Variants in ARHGEF11 observed in about 807,000 individuals in gnomAD.
ARHGEF11 encodes Rho guanine nucleotide exchange factor 11.
Under a neutral mutation model 193.7 loss-of-function variants are expected in ARHGEF11, and 55 were observed. The observed-to-expected ratio is 0.28, with a 90% confidence interval of 0.23 to 0.36. The LOEUF (loss-of-function observed/expected upper bound fraction) is 0.36, where lower values mean the gene tolerates loss of function less well. Among genes scored for constraint, ARHGEF11 ranks in the 10% least tolerant of loss-of-function variants. The probability of loss-of-function intolerance (pLI) is 1.00; values close to 1 mark genes in which losing one functional copy is unlikely to be tolerated. For missense variants in ARHGEF11, 1,723 were observed against 2,005.6 expected, an observed-to-expected ratio of 0.86 and a Z score of 2.69; for synonymous variants, 693 against 768.0, an observed-to-expected ratio of 0.90 and a Z score of 1.62.
chr1:156,937,094 G>A, intron 39 of ARHGEF11, 89 bp from the exon 40 acceptor site: 1 of 1,567,876 alleles, frequency 6.4e-7, no homozygotes, highest in Admixed American at 1.8e-5. Flanking sequence ...TTGGGGAGGA[G>A]GGTGTGATTT....
chr1:156,945,295 G>T, intron 29 of ARHGEF11, 98 bp from the exon 30 acceptor site: 1 of 1,407,566 alleles, frequency 7.1e-7, no homozygotes, highest in Non-Finnish European at 9.7e-7. Context: ...CAGCTGGCTT[G>T]CTTCAAACCA....
chr1:156,971,110 T>C (rs1458403765), intron 8 of ARHGEF11, among the ~76,000 whole-genome samples: 1 of 152,214 alleles, frequency 6.6e-6, no homozygotes, highest in Non-Finnish European at 1.5e-5. Context: ...CCCCAAGAAT[T>C]AAGGCCTGAT....
intron 1 of ARHGEF11, among the ~76,000 whole-genome samples, chr1:157,031,703 G>C (rs1208322425): frequency 2.0e-5 from 3 of 152,198 alleles, no homozygotes; most frequent in African/African-American, 2.4e-5. Context: ...CAATTTCAAG[G>C]GGAGTGGCAA....
chr1:156,983,804 A>G (rs1178804483), intron 3 of ARHGEF11, among the ~76,000 whole-genome samples: 5 of 152,252 alleles, frequency 3.3e-5, no homozygotes, highest in African/African-American at 1.2e-4. Context: ...TCAAATCACA[A>G]ACTACTCAAA....
rs1354268728 is a variant in ARHGEF11 at position 156,948,252 on chromosome 1, AGCAAC to A, written c.2106-29_2106-25del. ...ACCTGTGGAGGGAATGTCAACTCTC[AGCAAC>A]CCTCTATCCTTGCCGCCACCCCTGA... is the stretch of plus-strand genomic sequence containing the variant. On this transcript the variant is annotated intron_variant, in intron 23 of 40. Coordinates refer to ENST00000368194, the MANE Select transcript of ARHGEF11 (RefSeq NM_198236.3). The surrounding 1 kb of genome is among the most constrained non-coding windows in gnomAD (Gnocchi z 4.2). 2 of 1,597,720 alleles carry A rather than the reference AGCAAC, an allele frequency of 1.3e-6. No individual in the cohort carries two copies. The highest frequency in any genetic ancestry group is 2.7e-5 in the African/African-American group (2 of 74,602).
chr1:156,947,196 G>T lies in ARHGEF11; in HGVS notation c.2488+108C>A. On this transcript the variant is annotated intron_variant, in intron 26 of 40. Coordinates refer to ENST00000368194, the MANE Select transcript of ARHGEF11 (RefSeq NM_198236.3). ...GTCCACAGATCTTTTTCTCACCAGG[G>T]ATTGGTGGGAGGTTACCTACTCAGG... The T allele has an allele frequency of 2.0e-6, 3 of 1,490,102 alleles. No homozygotes were observed. The South Asian group carries it at 3.9e-5, about 19-fold the overall frequency. 92.3% of individuals were successfully genotyped at this position (1,490,102 alleles called of 1,614,324 possible). A position where few individuals can be genotyped will look rare whatever the true frequency, so the allele number is the denominator to read the frequency against.
At chr1:157,046,228 G>C (rs1264054647), upstream of ARHGEF11, among the ~76,000 whole-genome samples, 1 of 140,274 alleles carries the variant, frequency 7.1e-6, no homozygotes, top group Non-Finnish European at 1.5e-5. Flanking sequence ...CGCCGTCCCC[G>C]CCGCCGCCAC....
At chr1:156,950,140 C>T (rs1427007835) in intron 22 of ARHGEF11, among the ~76,000 whole-genome samples, 4 of 152,108 alleles carry the variant, frequency 2.6e-5, no homozygotes, top group African/African-American at 9.7e-5. Context: ...ACATAATTTG[C>T]GTATTTAACT....
chr1:157,032,094 T>C (rs1190141215), intron 1 of ARHGEF11, among the ~76,000 whole-genome samples: 1 of 152,226 alleles, frequency 6.6e-6, no homozygotes, highest in Non-Finnish European at 1.5e-5. Flanking sequence ...GGCTTTAATT[T>C]TGAAATTACA....
At chr1:156,938,702 CGA>C (rs1656080477) in intron 37 of ARHGEF11, 189 bp from the exon 38 acceptor site, 2 of 517,002 alleles carry the variant, frequency 3.9e-6, no homozygotes, top group Non-Finnish European at 3.4e-6. Flanking sequence ...ACCAATTCAC[CGA>C]GAGACAGAGA....
At chr1:156,949,912 A>C (rs957569628) in intron 22 of ARHGEF11, among the ~76,000 whole-genome samples, 2 of 152,110 alleles carry the variant, frequency 1.3e-5, no homozygotes, top group Non-Finnish European at 2.9e-5. Flanking sequence ...TGCTAATACT[A>C]TTTCTTCTGA....
intron 1 of ARHGEF11, among the ~76,000 whole-genome samples, chr1:156,987,216 T>C (rs1034347900): frequency 2.0e-5 from 3 of 152,226 alleles, no homozygotes; most frequent in African/African-American, 7.2e-5. Context: ...AGTAGAAGGC[T>C]ACTCATGGAA....
chr1:156,947,468 C>T lies in ARHGEF11; in HGVS notation c.2342-18G>A, dbSNP rs781402188. 6.3e-6 allele frequency: 10 copies of T among 1,577,492 alleles called. No individual in the cohort carries two copies. The East Asian group carries it at 2.2e-4, about 35-fold the overall frequency. ...AAACAGCTCTGAGCGGTGGTTGTGA[C>T]AAGGAGGGTAGAAAGCCAGGGAGAA... On this transcript the variant is annotated intron_variant, in intron 25 of 40. Coordinates refer to ENST00000368194, the MANE Select transcript of ARHGEF11 (RefSeq NM_198236.3).
intron 1 of ARHGEF11, among the ~76,000 whole-genome samples, chr1:156,995,711 T>G (rs989550872): frequency 5.3e-5 from 8 of 150,986 alleles, no homozygotes; most frequent in Non-Finnish European, 4.4e-5. Context: ...CTTGTTTTTT[T>G]TTTTTTTTTT....
At chr1:156,980,857 T>C in intron 3 of ARHGEF11, among the ~76,000 whole-genome samples, 1 of 142,234 alleles carries the variant, frequency 7.0e-6, no homozygotes, top group Non-Finnish European at 1.5e-5. Flanking sequence ...GAAATGAGTT[T>C]ACTGTATGAA....
At position 157,035,773 on chromosome 1, in the gene ARHGEF11, C is replaced by T. The variant is rs998634150; in HGVS notation, c.32+8526G>A. On this transcript the variant is annotated intron_variant, in intron 1 of 40. Coordinates refer to ENST00000368194, the MANE Select transcript of ARHGEF11 (RefSeq NM_198236.3). ...GGCTATGTGGGAATATATATATATA[C>T]AGGAATATATATATATAGGAATATA... 1.2e-3 allele frequency among the ~76,000 whole-genome samples: 159 copies of T among 127,686 alleles called. 1 individual carries two copies. The highest frequency in any genetic ancestry group is 4.6e-3 in the African/African-American group (155 of 33,986). The allele number at this position is 127,686 out of a possible 152,430, so 83.8% of individuals were successfully genotyped here.
At chr1:156,976,130 C>G (rs183083028) in intron 7 of ARHGEF11, among the ~76,000 whole-genome samples, 1 of 152,208 alleles carries the variant, frequency 6.6e-6, no homozygotes, top group South Asian at 2.1e-4. Context: ...CCAACACACA[C>G]ACACGGTATC....
chr1:156,979,326 C>T, intron 4 of ARHGEF11, 40 bp from the exon 5 acceptor site: 3 of 1,416,238 alleles, frequency 2.1e-6, no homozygotes, highest in Non-Finnish European at 3.0e-6. Context: ...TGGTAATGAA[C>T]AGCTAGGGGA....
chr1:156,963,109 G>C (rs2102200288), intron 13 of ARHGEF11, 94 bp downstream of exon 13: 1 of 969,816 alleles, frequency 1.0e-6, no homozygotes, highest in East Asian at 2.5e-5. Flanking sequence ...CCATGGATCT[G>C]ACTTGTAACA....
Sources: gnomAD v4.1 joint callset for allele counts (sites outside exome capture counted in the v4.1 genomes callset) on GRCh38, gnomAD v4.1.1 for gene constraint, Gnocchi (gnomAD v3.1) non-coding constraint, MANE v1.5 for transcripts, NCBI Gene and HGNC (gene_info 2026-07-23, HGNC 2026-07-21) for gene names.